The following ATXN1 variants were observed in gnomAD, a reference collection of about 807,000 sequenced individuals.
The protein encoded by ATXN1 is ataxin 1.
A neutral mutation model predicts 56.4 loss-of-function variants in ATXN1; 8 were observed. The observed-to-expected ratio is 0.14, with a 90% CI of 0.08 to 0.26. ATXN1 has a LOEUF of 0.26. ATXN1 is among the 10% of genes least tolerant of loss of function. The pLI is 1.00. For synonymous variants in ATXN1, 514 were observed against 494.6 expected (o/e 1.04, Z -0.52); for missense variants, 987 against 1,106.5 (o/e 0.89, Z 1.53).
At chr6:16,631,319 A>G (rs763660667) in intron 3 of ATXN1, among the ~76,000 whole-genome samples, 16 of 152,330 alleles carry the variant, frequency 1.1e-4, no homozygotes, top group Non-Finnish European at 1.9e-4. Flanking sequence ...TTCACAGGGT[A>G]TGCAGTGATC....
intron 5 of ATXN1, among the ~76,000 whole-genome samples, chr6:16,517,447 T>A (rs917192451): frequency 2.0e-5 from 3 of 152,210 alleles, no homozygotes; most frequent in African/African-American, 7.2e-5. Context: ...AGTTAATATA[T>A]GCAAGATACA....
At chr6:16,738,262 A>C (rs1376370157) in intron 2 of ATXN1, 1 of 152,238 alleles carries the variant, frequency 6.6e-6, no homozygotes, top group African/African-American at 2.4e-5. Flanking sequence ...TGGAGAATAA[A>C]AACAGAACTT....
In ATXN1 at chr6:16,447,294, AGCATACT is replaced by A. The variant is rs1196628031; in HGVS notation, c.-161+38671_-161+38677del. Among the ~76,000 whole-genome samples, 11 of 152,186 alleles carry A rather than the reference AGCATACT, an allele frequency of 7.2e-5. 1 individual carries two copies. The highest frequency in any genetic ancestry group is 6.5e-4 in the Admixed American group (10 of 15,284). The stretch of plus-strand genomic sequence containing the variant: ...CGTTAGAGTGCAGTGGCATGATCTC[AGCATACT>A]GCAACCTTGGCCTCTTGGGTTCAAA... On this transcript the variant is annotated intron_variant, in intron 6 of 7. Coordinates refer to ENST00000436367, the MANE Select transcript of ATXN1 (RefSeq NM_001128164.2).
intron 4 of ATXN1, among the ~76,000 whole-genome samples, chr6:16,542,297 C>T (rs1165483810): frequency 6.6e-6 from 1 of 152,280 alleles, no homozygotes; most frequent in Non-Finnish European, 1.5e-5. Context: ...ATCACCGCAT[C>T]CTATTTATTC....
At chr6:16,348,310 C>T (rs1475276582) in intron 6 of ATXN1, among the ~76,000 whole-genome samples, 1 of 152,122 alleles carries the variant, frequency 6.6e-6, no homozygotes, top group Non-Finnish European at 1.5e-5. Context: ...AGCGATCCTC[C>T]CATTTTGGCT....
intron 5 of ATXN1, among the ~76,000 whole-genome samples, chr6:16,515,712 T>C (rs922383326): frequency 5.3e-5 from 8 of 152,188 alleles, no homozygotes; most frequent in East Asian, 1.9e-4. Flanking sequence ...CCTCAGCATA[T>C]GCGTGGCCCC....
intron 6 of ATXN1, among the ~76,000 whole-genome samples, chr6:16,423,875 T>A (rs950735142): frequency 6.6e-6 from 1 of 152,264 alleles, no homozygotes; most frequent in African/African-American, 2.4e-5. Flanking sequence ...GCATCATTTA[T>A]CTTCAGAGAG....
intron 3 of ATXN1, among the ~76,000 whole-genome samples, chr6:16,606,867 T>TTGTGTG (rs759331296): frequency 3.9e-5 from 5 of 126,810 alleles, no homozygotes; most frequent in South Asian, 3.1e-4. Flanking sequence ...GTTCCATGAG[T>TTGTGTG]TGTGTGTGTG....
intron 2 of ATXN1, among the ~76,000 whole-genome samples, chr6:16,661,073 G>A (rs377577109): frequency 1.3e-5 from 2 of 151,638 alleles, no homozygotes; most frequent in Non-Finnish European, 2.9e-5. Flanking sequence ...TCCTGACCTC[G>A]TGATTCACCC....
intron 6 of ATXN1, among the ~76,000 whole-genome samples, chr6:16,431,054 G>A (rs1185905130): frequency 6.6e-6 from 1 of 152,106 alleles, no homozygotes; most frequent in South Asian, 2.1e-4. Flanking sequence ...GAATGCACAT[G>A]TACGGTATCA....
intron 5 of ATXN1, among the ~76,000 whole-genome samples, chr6:16,508,924 T>C (rs1761029761): frequency 6.6e-6 from 1 of 152,154 alleles, no homozygotes; most frequent in Admixed American, 6.6e-5. Flanking sequence ...GAGTGGAATA[T>C]TCATCAGCCT....
intron 2 of ATXN1, among the ~76,000 whole-genome samples, chr6:16,688,478 T>A (rs538905209): frequency 6.6e-6 from 1 of 152,220 alleles, no homozygotes. Context: ...TCTACCTCAA[T>A]GACAGACAAA....
chr6:16,599,368 G>C (rs1762873014), intron 3 of ATXN1, among the ~76,000 whole-genome samples: 1 of 151,940 alleles, frequency 6.6e-6, no homozygotes, highest in African/African-American at 2.4e-5. Flanking sequence ...CCGCTACTAA[G>C]AAGATAAACC....
chr6:16,427,874 C>T (rs1293870870), intron 6 of ATXN1, among the ~76,000 whole-genome samples: 2 of 152,194 alleles, frequency 1.3e-5, no homozygotes, highest in Non-Finnish European at 2.9e-5. Flanking sequence ...TTGAAATGCT[C>T]TGTTCTGAAA....
intron 5 of ATXN1, among the ~76,000 whole-genome samples, chr6:16,500,754 A>C (rs1378819830): frequency 1.3e-5 from 2 of 151,458 alleles, no homozygotes; most frequent in Non-Finnish European, 2.9e-5. Flanking sequence ...AAAAAAAAAA[A>C]AAAAAACATT....
intron 2 of ATXN1, among the ~76,000 whole-genome samples, chr6:16,668,141 C>T (rs1483975929): frequency 2.0e-5 from 3 of 152,154 alleles, no homozygotes; most frequent in Non-Finnish European, 4.4e-5. Flanking sequence ...TCATTTTTCT[C>T]TAATTGAGTG....
intron 1 of ATXN1, among the ~76,000 whole-genome samples, chr6:16,755,244 C>T (rs1388100966): frequency 6.6e-6 from 1 of 152,150 alleles, no homozygotes; most frequent in African/African-American, 2.4e-5. Flanking sequence ...TGTGTTGCTG[C>T]ACTAGTTAGG....
At chr6:16,687,870 T>G (rs1310361892) in intron 2 of ATXN1, among the ~76,000 whole-genome samples, 1 of 152,022 alleles carries the variant, frequency 6.6e-6, no homozygotes, top group Non-Finnish European at 1.5e-5. Flanking sequence ...ACCAGAAAAC[T>G]AAAGGAAACA....
At chr6:16,336,885 T>C (rs868152005) in intron 6 of ATXN1, among the ~76,000 whole-genome samples, 5 of 152,206 alleles carry the variant, frequency 3.3e-5, no homozygotes, top group East Asian at 1.9e-4. Context: ...TTTGACCCCA[T>C]GCATCTATAG....
Sources: gnomAD v4.1 joint callset for allele counts (sites outside exome capture counted in the v4.1 genomes callset) on GRCh38, gnomAD v4.1.1 for gene constraint, MANE v1.5 for transcripts, NCBI Gene and HGNC (gene_info 2026-07-23, HGNC 2026-07-21) for gene names.